Variants in TEX14 observed in about 807,000 individuals in gnomAD.
The protein encoded by TEX14 is testis expressed 14, intercellular bridge forming factor, also known as inactive serine/threonine-protein kinase TEX14.
TEX14 carries 168 observed loss-of-function variants against 178.6 expected under a neutral mutation model. That is an observed-to-expected ratio of 0.94 (90% CI 0.83 to 1.07). TEX14 has a LOEUF of 1.07. Ranked by LOEUF, TEX14 falls within the 50% of genes least tolerant of loss-of-function variation. TEX14 has a pLI of 0.00. For synonymous variants in TEX14, 626 were observed against 634.1 expected (o/e 0.99, Z 0.19); for missense variants, 1,730 against 1,753.6 (o/e 0.99, Z 0.24).
At chr17:58,664,205 A>G (rs1400347598) in intron 1 of TEX14, among the ~76,000 whole-genome samples, 1 of 152,180 alleles carries the variant, frequency 6.6e-6, no homozygotes, top group Non-Finnish European at 1.5e-5. Flanking sequence ...ATTTTATTCC[A>G]GAAGGTTTGA....
intron 30 of TEX14, 109 bp downstream of exon 30, chr17:58,559,344 A>C (rs2144320341): frequency 1.7e-6 from 1 of 593,438 alleles, no homozygotes; most frequent in East Asian, 2.9e-5. Flanking sequence ...ATAAATTATC[A>C]AAGGTAGGAG....
intron 28 of TEX14, among the ~76,000 whole-genome samples, chr17:58,563,648 TATATATATATAG>T (rs2044323363): frequency 3.6e-5 from 1 of 27,800 alleles, no homozygotes; most frequent in South Asian, 1.7e-3. Flanking sequence ...TATATATATA[TATATATATATAG>T]AGAGAGAGAG....
At chr17:58,561,441 A>C (rs549917623) in intron 29 of TEX14, 79 bp downstream of exon 29, 1 of 949,870 alleles carries the variant, frequency 1.1e-6, no homozygotes, top group Non-Finnish European at 1.7e-6. Flanking sequence ...ATCATCAGGC[A>C]TTCATTCTCC....
chr17:58,566,546 C>T (rs1049068834), intron 26 of TEX14, among the ~76,000 whole-genome samples: 59 of 152,194 alleles, frequency 3.9e-4, no homozygotes, highest in African/African-American at 1.3e-3. Flanking sequence ...CGCCTGTAAT[C>T]CCAGCATTTT....
At position 58,599,599 on chromosome 17, in the gene TEX14, T is replaced by C. The variant is rs768813686; in HGVS notation, c.1746A>G (p.Pro582=). 2 of 1,613,946 alleles carry C rather than the reference T, an allele frequency of 1.2e-6. No individual in the cohort carries two copies. Among genetic ancestry groups the C allele is most frequent in the Admixed American group, 3.3e-5 (2 of 59,984 alleles). ...TCTCCCTGGCCATCAGACATGGATC[T>C]GGGGCCTGAGGATCTAGTGTCCCCT... ...FTEGTLDPQA[P]DPCLMARETQ... is the part of the protein sequence containing the mutation. The change falls in exon 14 of 32, where the codon CCA becomes CCG. Residue 582 remains proline (P), a synonymous_variant. Transcript: ENST00000349033.
intron 8 of TEX14, 97 bp from the exon 9 acceptor site, chr17:58,613,641 T>C (rs2045800985): frequency 8.6e-6 from 11 of 1,283,592 alleles, no homozygotes; most frequent in African/African-American, 1.5e-5. Context: ...ACAAATACCA[T>C]TTGTATACGA....
chr17:58,690,573 CAT>C (rs1175563418), intron 1 of TEX14, among the ~76,000 whole-genome samples: 2 of 152,108 alleles, frequency 1.3e-5, no homozygotes, highest in East Asian at 3.8e-4. Context: ...GTGGTAATAC[CAT>C]GTTTTTTCTT....
intron 1 of TEX14, among the ~76,000 whole-genome samples, chr17:58,670,780 A>C (rs1225503597): frequency 4.0e-4 from 60 of 149,990 alleles, no homozygotes; most frequent in African/African-American, 1.2e-3. Context: ...CTTAAAAAAA[A>C]AAAAAAAAAA....
intron 14 of TEX14, among the ~76,000 whole-genome samples, chr17:58,596,169 C>T (rs2045275025): frequency 6.6e-6 from 1 of 151,502 alleles, no homozygotes; most frequent in Non-Finnish European, 1.5e-5. Flanking sequence ...GGTGACAGAG[C>T]AAGATTCTGT....
chr17:58,603,193 G>A (rs2045507563), intron 11 of TEX14, among the ~76,000 whole-genome samples: 1 of 151,878 alleles, frequency 6.6e-6, no homozygotes, highest in African/African-American at 2.4e-5. Flanking sequence ...GCTCCCCGCT[G>A]GCAGGGGAGC....
Position 58,575,575 on chromosome 17 carries a change from A to T in TEX14, c.3321-1326T>A, listed in dbSNP as rs73327345. ...GGACTTTTTGGCCCTCTTGATTTAC[A>T]TAAATGACCACAGAACTTGTTTTAA... is the stretch of plus-strand genomic sequence containing the variant. On this transcript the variant is annotated intron_variant, in intron 21 of 31. Transcript: ENST00000349033. 9.3e-3 allele frequency among the ~76,000 whole-genome samples: 1,409 copies of T among 152,300 alleles called. 25 individuals carry two copies. Among genetic ancestry groups the T allele is most frequent in the African/African-American group, 0.031 (1,303 of 41,536 alleles).
chr17:58,574,369 G>T, intron 21 of TEX14, 120 bp from the exon 22 acceptor site: 1 of 731,706 alleles, frequency 1.4e-6, no homozygotes, highest in Non-Finnish European at 2.3e-6. Flanking sequence ...AGGGCACTAA[G>T]CTCAGGAGTA....
rs1214088623 is a variant in TEX14 at position 58,579,653 on chromosome 17, AG to A, written c.3238+11del. The stretch of plus-strand genomic sequence containing the variant: ...AGTGATTCTCAAGGAATCTTCCCTA[AG>A]GGCTTATTACCAGAGACTTGAGGTT... On this transcript the variant is annotated intron_variant, in intron 20 of 31. Transcript: ENST00000349033. 1 of 1,609,778 alleles carries A rather than the reference AG, an allele frequency of 6.2e-7. No individual in the cohort carries two copies. Among genetic ancestry groups the A allele is most frequent in the South Asian group, 1.1e-5 (1 of 90,924 alleles).
At chr17:58,661,282 C>G (rs1313255600) in intron 1 of TEX14, 1 of 807,856 alleles carries the variant, frequency 1.2e-6, no homozygotes, top group Non-Finnish European at 2.3e-6. Flanking sequence ...GTTCGCGAGC[C>G]TGCTGCAAAT....
chr17:58,682,178 G>A (rs948201853), intron 1 of TEX14, among the ~76,000 whole-genome samples: 4 of 152,004 alleles, frequency 2.6e-5, no homozygotes, highest in South Asian at 2.1e-4. Context: ...CAAACTCCTG[G>A]GCTCAAGCAA....
rs1290663151 is a variant in TEX14 at position 58,615,313 on chromosome 17, T to G, written c.800A>C (p.Lys267Thr). ...LVWNGSRVTV[K>T]ELNLPTHPHC... is the part of the protein sequence containing the mutation. ...TGGGTGGGTGGGGAGATTCAGCTCT[T>G]TCACTGTGACCCTGCTCCCATTCCA... The change falls in exon 8 of 32, where the codon AAA becomes ACA. Residue 267 changes from lysine (K) to threonine (T), a missense_variant. By Grantham distance (78) the Lys-to-Thr change is moderately conservative. Transcript: ENST00000349033. 6.2e-7 allele frequency: 1 copy of G among 1,613,406 alleles called. No homozygotes were observed. The highest frequency in any genetic ancestry group is 8.5e-7 in the Non-Finnish European group (1 of 1,179,390).
At chr17:58,596,913 G>A (rs920068012) in intron 14 of TEX14, among the ~76,000 whole-genome samples, 4 of 152,146 alleles carry the variant, frequency 2.6e-5, no homozygotes, top group Admixed American at 2.6e-4. Flanking sequence ...CTTCACTCCA[G>A]CAAAAATAAA....
At position 58,585,934 on chromosome 17, in the gene TEX14, C is replaced by T. The variant is rs55924999; in HGVS notation, c.2937G>A (p.Thr979=). Residue 979 remains threonine (T), a synonymous_variant, in exon 18 of 32, where the codon ACG becomes ACA. Transcript: ENST00000349033. ...GATACTCAATAACTCGCTGCCAATC[C>T]GTGTTTTCTGGGCTCCTAATGGGGG... is the stretch of plus-strand genomic sequence containing the variant. ...LQPPIRSPEN[T]DWQRVIEYHR... 24 of 1,614,012 alleles carry T rather than the reference C, an allele frequency of 1.5e-5. No homozygotes were observed. The African/African-American group carries it at 2.7e-4, about 18-fold the overall frequency.
intron 2 of TEX14, among the ~76,000 whole-genome samples, chr17:58,637,924 C>T (rs1258903985): frequency 6.8e-6 from 1 of 147,494 alleles, no homozygotes; most frequent in East Asian, 2.0e-4. Context: ...TGCAGTGGTG[C>T]GATCTCGGCT....
Sources: gnomAD v4.1 joint callset for allele counts (sites outside exome capture counted in the v4.1 genomes callset) on GRCh38, gnomAD v4.1.1 for gene constraint, MANE v1.5 for transcripts, NCBI Gene and HGNC (gene_info 2026-07-23, HGNC 2026-07-21) for gene names.